Variants in ASPH observed in about 807,000 individuals in gnomAD.
ASPH encodes aspartyl/asparaginyl beta-hydroxylase.
A neutral mutation model predicts 118.4 loss-of-function variants in ASPH; 100 were observed. That is an observed-to-expected ratio of 0.84 (90% CI 0.72 to 1.00). ASPH has a LOEUF of 1.00. Among genes scored for constraint, ASPH ranks in the 50% least tolerant of loss-of-function variants. ASPH has a pLI of 0.00. For synonymous variants in ASPH, 315 were observed against 325.6 expected, an observed-to-expected ratio of 0.97 and a Z score of 0.35; for missense variants, 920 against 919.5, an observed-to-expected ratio of 1.00 and a Z score of -0.01.
intron 24 of ASPH, among the ~76,000 whole-genome samples, chr8:61,516,036 A>C (rs573515309): frequency 3.1e-4 from 47 of 152,196 alleles, no homozygotes; most frequent in Non-Finnish European, 4.4e-4. Flanking sequence ...TTTAGTTTCT[A>C]AAAGACTCTT....
chr8:61,605,153 A>G (rs1845183538), intron 14 of ASPH, among the ~76,000 whole-genome samples: 1 of 152,222 alleles, frequency 6.6e-6, no homozygotes, highest in Non-Finnish European at 1.5e-5. Flanking sequence ...ATATCCCTGA[A>G]GAATAACCAC....
At chr8:61,635,566 T>C (rs965489333) in intron 12 of ASPH, among the ~76,000 whole-genome samples, 2 of 151,698 alleles carry the variant, frequency 1.3e-5, no homozygotes, top group African/African-American at 2.4e-5. Context: ...TTCTATAAGG[T>C]TGGTGCAAAA....
At position 61,622,812 on chromosome 8, in the gene ASPH, T is replaced by C. The variant is rs1025169562; in HGVS notation, c.935-3793A>G. ...CTTGCAGGCAGAAGTAATACTTATC[T>C]GCTGAGAAAACTCAGCTCCCTGACA... On this transcript the variant is annotated intron_variant, in intron 13 of 24. Transcript: ENST00000379454. Among the ~76,000 whole-genome samples, 39 of 152,168 alleles carry C rather than the reference T, an allele frequency of 2.6e-4. 1 individual carries two copies. The highest frequency in any genetic ancestry group is 2.4e-3 in the Admixed American group (37 of 15,286).
rs1369500358 is a variant in ASPH, at chr8:61,706,686, A to G, written c.103+7583T>C. On this transcript the variant is annotated intron_variant, in intron 1 of 24. Coordinates refer to ENST00000379454, the MANE Select transcript of ASPH (RefSeq NM_004318.4). ...CTAAAATCTAGAGAAATGGATGAGGAAAGGTCCCAAAGCAGCAAACACAAT... is the reference window on the plus strand; with the variant it reads ...CTAAAATCTAGAGAAATGGATGAGGGAAGGTCCCAAAGCAGCAAACACAAT... Among the ~76,000 whole-genome samples the G allele has an allele frequency of 2.0e-5, 3 of 152,220 alleles. No homozygotes were observed. In the East Asian group the frequency reaches 5.8e-4, roughly 29 times the overall value.
Position 61,714,440 on chromosome 8 carries a change from CG to C in ASPH, c.-70del. ...AGTGCGCGGGGGTACACACGCGACG[CG>C]GGAACCGCTGGCGGCGGCGGGCCGC... On this transcript the variant is annotated 5_prime_UTR_variant, in exon 1 of 25. Coordinates refer to ENST00000379454, the MANE Select transcript of ASPH (RefSeq NM_004318.4). 23 of 1,364,614 alleles carry C rather than the reference CG, an allele frequency of 1.7e-5. No individual in the cohort carries two copies. The South Asian group carries it at 3.8e-4, about 23-fold the overall frequency. 84.5% of individuals were successfully genotyped at this position (1,364,614 alleles called of 1,614,324 possible). A position where few individuals can be genotyped will look rare whatever the true frequency, so the allele number is the denominator to read the frequency against.
chr8:61,646,626 G>T, intron 6 of ASPH, 124 bp downstream of exon 6: 1 of 1,156,448 alleles, frequency 8.6e-7, no homozygotes, highest in Non-Finnish European at 1.1e-6. Flanking sequence ...GAAGCTTTAA[G>T]CTTCAACTTT....
At chr8:61,600,719 C>A (rs1843734797) in intron 14 of ASPH, among the ~76,000 whole-genome samples, 2 of 151,274 alleles carry the variant, frequency 1.3e-5, no homozygotes, top group Admixed American at 1.3e-4. Flanking sequence ...AGAAAACATA[C>A]AGCAAGATAA....
intron 3 of ASPH, chr8:61,660,706 C>T (rs1816441993): frequency 6.6e-6 from 1 of 152,196 alleles, no homozygotes; most frequent in Non-Finnish European, 1.5e-5. Flanking sequence ...ATGGATTTAA[C>T]ACCATGGATG....
At chr8:61,592,562 T>C (rs1841459243) in intron 14 of ASPH, among the ~76,000 whole-genome samples, 1 of 152,160 alleles carries the variant, frequency 6.6e-6, no homozygotes, top group East Asian at 1.9e-4. Context: ...GCTATGGTTA[T>C]TCAAAGGTGG....
chr8:61,566,585 C>T (rs1331852343), intron 17 of ASPH, among the ~76,000 whole-genome samples: 1 of 152,218 alleles, frequency 6.6e-6, no homozygotes, highest in Non-Finnish European at 1.5e-5. Context: ...AACAGCACTT[C>T]AAACTACAGA....
Position 61,562,959 on chromosome 8 carries a change from G to C in ASPH, c.1301-79C>G, listed in dbSNP as rs3824269. Reference sequence around the variant, plus strand: ...TTTGTATTGAGAATGTAAGTCATGAGAGACTATTCACCAGAGCCTGAGAAC... The same window carrying C: ...TTTGTATTGAGAATGTAAGTCATGACAGACTATTCACCAGAGCCTGAGAAC... On this transcript the variant is annotated intron_variant, in intron 17 of 24. Coordinates refer to ENST00000379454, the MANE Select transcript of ASPH (RefSeq NM_004318.4). 0.66 allele frequency: 919,939 copies of C among 1,384,062 alleles called. 314,170 individuals carry two copies. The highest frequency in any genetic ancestry group is 0.7 in the Non-Finnish European group (736,798 of 1,052,302). The allele number at this position is 1,384,062 out of a possible 1,614,324, so 85.7% of individuals were successfully genotyped here.
chr8:61,587,129 A>G (rs1045738069), intron 14 of ASPH, among the ~76,000 whole-genome samples: 4 of 152,180 alleles, frequency 2.6e-5, no homozygotes, highest in African/African-American at 9.6e-5. Flanking sequence ...TTTGTTTGCT[A>G]TGATCTTCTA....
At chr8:61,548,937 C>G (rs1034197118) in intron 20 of ASPH, among the ~76,000 whole-genome samples, 1 of 152,148 alleles carries the variant, frequency 6.6e-6, no homozygotes, top group African/African-American at 2.4e-5. Flanking sequence ...CGGAGCATGA[C>G]GCTCTTTATG....
intron 13 of ASPH, among the ~76,000 whole-genome samples, chr8:61,632,277 G>A (rs1855936521): frequency 6.6e-6 from 1 of 152,028 alleles, no homozygotes; most frequent in Non-Finnish European, 1.5e-5. Context: ...TTTTTGGTCT[G>A]AAAAATATTA....
intron 22 of ASPH, among the ~76,000 whole-genome samples, chr8:61,521,481 A>G (rs1344979828): frequency 6.6e-6 from 1 of 152,184 alleles, no homozygotes; most frequent in Non-Finnish European, 1.5e-5. Flanking sequence ...CACACATCAC[A>G]CAGCTAACAA....
chr8:61,660,756 AAATATATTCCT>A (rs879018422), intron 3 of ASPH: 1 of 152,218 alleles, frequency 6.6e-6, no homozygotes, highest in Admixed American at 6.5e-5. Flanking sequence ...AAGTAAAACT[AAATATATTCCT>A]AATATCCCAA....
intron 24 of ASPH, among the ~76,000 whole-genome samples, chr8:61,508,119 A>T (rs964220843): frequency 6.6e-6 from 1 of 152,042 alleles, no homozygotes; most frequent in Non-Finnish European, 1.5e-5. Flanking sequence ...GGCTCAGGTG[A>T]TCCTCCCACC....
At chr8:61,612,653 T>C (rs1182039760) in intron 14 of ASPH, among the ~76,000 whole-genome samples, 1 of 152,186 alleles carries the variant, frequency 6.6e-6, no homozygotes, top group Non-Finnish European at 1.5e-5. Context: ...ATAACAGGCA[T>C]GAGCCATCAT....
At chr8:61,619,380 A>T (rs982471828) in intron 13 of ASPH, among the ~76,000 whole-genome samples, 2 of 152,168 alleles carry the variant, frequency 1.3e-5, no homozygotes, top group African/African-American at 4.8e-5. Context: ...CTTGTTCAAT[A>T]TTGTTATTGT....
Sources: allele counts gnomAD v4.1 joint callset (sites outside exome capture counted in the v4.1 genomes callset), GRCh38; gene constraint gnomAD v4.1.1; transcripts MANE v1.5; gene names NCBI Gene and HGNC (gene_info 2026-07-23, HGNC 2026-07-21).